Variants in SNTB1 observed in about 807,000 individuals in gnomAD.
SNTB1 encodes the protein beta-1-syntrophin.
A neutral mutation model predicts 48.9 loss-of-function variants in SNTB1; 36 were observed. The observed-to-expected ratio is 0.74, with a 90% CI of 0.56 to 0.97. The LOEUF is 0.97. Ranked by LOEUF, SNTB1 falls within the 50% of genes least tolerant of loss-of-function variation. The pLI, the probability that SNTB1 is intolerant of heterozygous loss-of-function variation, is 0.00. For missense variants in SNTB1, 786 were observed against 703.4 expected, an observed-to-expected ratio of 1.12 and a Z score of -1.33; for synonymous variants, 299 against 294.6, an observed-to-expected ratio of 1.01 and a Z score of -0.15.
At chr8:120,703,620 A>T (rs1818339036) in intron 1 of SNTB1, among the ~76,000 whole-genome samples, 1 of 152,210 alleles carries the variant, frequency 6.6e-6, no homozygotes, top group Non-Finnish European at 1.5e-5. Flanking sequence ...CAGAGAAAAA[A>T]TGCTGAGGGC....
chr8:120,660,704 T>G (rs1231285724), intron 2 of SNTB1, among the ~76,000 whole-genome samples: 1 of 152,246 alleles, frequency 6.6e-6, no homozygotes, highest in Non-Finnish European at 1.5e-5. Context: ...AAGCCTAACT[T>G]TCAGCCTATT....
chr8:120,762,758 C>T (rs1441356871), intron 1 of SNTB1, among the ~76,000 whole-genome samples: 1 of 152,052 alleles, frequency 6.6e-6, no homozygotes, highest in Non-Finnish European at 1.5e-5. Context: ...CTTGTTTATA[C>T]CCCAGAATCC....
intron 1 of SNTB1, among the ~76,000 whole-genome samples, chr8:120,752,712 A>C (rs1819242110): frequency 6.6e-6 from 1 of 150,468 alleles, no homozygotes; most frequent in Non-Finnish European, 1.5e-5. Context: ...TAAGTTAATT[A>C]ATGCAGGAAC....
chr8:120,727,059 G>A (rs1818768679), intron 1 of SNTB1, among the ~76,000 whole-genome samples: 1 of 152,172 alleles, frequency 6.6e-6, no homozygotes, highest in African/African-American at 2.4e-5. Context: ...ATGTTCTCCA[G>A]GATAGGTTGG....
In SNTB1 at chr8:120,811,835, T is replaced by C. The variant is rs903578353; in HGVS notation, c.9A>G (p.Val3=). The C allele has an allele frequency of 3.0e-6, 4 of 1,345,784 alleles. No individual in the cohort carries two copies. Among genetic ancestry groups the C allele is most frequent in the Non-Finnish European group, 3.8e-6 (4 of 1,052,494 alleles). 83.4% of individuals were successfully genotyped at this position (1,345,784 alleles called of 1,614,324 possible). The part of the protein sequence containing the change: MA[V]AAAAAAAGPA... Reference sequence around the variant, plus strand: ...GCCCAGCCGCCGCCGCCGCCGCCGCTACCGCCATCTTTCCGGCATTCTTAA... The same window carrying C: ...GCCCAGCCGCCGCCGCCGCCGCCGCCACCGCCATCTTTCCGGCATTCTTAA... Residue 3 remains valine, a synonymous_variant, in exon 1 of 7, where the codon GTA becomes GTG. Transcript: ENST00000517992.
chr8:120,624,269 C>T (rs559425952), intron 3 of SNTB1, among the ~76,000 whole-genome samples: 10 of 152,240 alleles, frequency 6.6e-5, no homozygotes, highest in East Asian at 3.9e-4. Context: ...AAGACATTTA[C>T]GTCTTATAGT....
intron 3 of SNTB1, among the ~76,000 whole-genome samples, chr8:120,592,155 A>G (rs1181293567): frequency 6.6e-6 from 1 of 152,140 alleles, no homozygotes; most frequent in Non-Finnish European, 1.5e-5. Context: ...AATATAAATT[A>G]GCAGTCCAAT....
chr8:120,587,943 C>G (rs183054045), intron 3 of SNTB1, among the ~76,000 whole-genome samples: 1 of 152,288 alleles, frequency 6.6e-6, no homozygotes, highest in Admixed American at 6.5e-5. Context: ...ACAGACTTTA[C>G]TTCCTTAACT....
At chr8:120,718,452 C>T (rs990417647) in intron 1 of SNTB1, among the ~76,000 whole-genome samples, 1 of 152,248 alleles carries the variant, frequency 6.6e-6, no homozygotes, top group Admixed American at 6.5e-5. Flanking sequence ...CCCTGGTCTC[C>T]TACCAACTTC....
intron 1 of SNTB1, among the ~76,000 whole-genome samples, chr8:120,714,132 T>C (rs1587109360): frequency 1.3e-5 from 2 of 152,188 alleles, no homozygotes; most frequent in African/African-American, 4.8e-5. Flanking sequence ...CTGAGTTGGA[T>C]TTAGTCTACC....
intron 4 of SNTB1, 34 bp downstream of exon 4, chr8:120,575,052 A>C (rs554092524): frequency 1.2e-6 from 2 of 1,613,954 alleles, no homozygotes; most frequent in Admixed American, 3.3e-5. Flanking sequence ...ATCCACCTGC[A>C]AACACATCAT....
intron 1 of SNTB1, among the ~76,000 whole-genome samples, chr8:120,740,510 A>C (rs1171428574): frequency 1.3e-5 from 2 of 152,234 alleles, no homozygotes. Context: ...ATCTACAGTT[A>C]CAGCAAACAA....
chr8:120,637,062 A>G (rs373775845), intron 2 of SNTB1: 67 of 372,810 alleles, frequency 1.8e-4, no homozygotes, highest in African/African-American at 1.4e-3. Context: ...TCTGATATCA[A>G]TTTCAGCTAA....
At chr8:120,586,505 T>C (rs1261395553) in intron 3 of SNTB1, among the ~76,000 whole-genome samples, 3 of 152,148 alleles carry the variant, frequency 2.0e-5, no homozygotes, top group Non-Finnish European at 4.4e-5. Context: ...TCTCCTGCTG[T>C]TTCTGTCACC....
chr8:120,682,659 T>C (rs1817951655), intron 2 of SNTB1, among the ~76,000 whole-genome samples: 2 of 152,250 alleles, frequency 1.3e-5, no homozygotes, highest in Non-Finnish European at 1.5e-5. Context: ...GTATTTCACA[T>C]GGGTTGCCTA....
chr8:120,785,365 G>T (rs951256040), intron 1 of SNTB1, among the ~76,000 whole-genome samples: 4 of 152,176 alleles, frequency 2.6e-5, no homozygotes, highest in African/African-American at 4.8e-5. Flanking sequence ...AGTACAGGCT[G>T]CCTGGAACCC....
chr8:120,698,976 T>C (rs1012800865), intron 1 of SNTB1, among the ~76,000 whole-genome samples: 6 of 152,210 alleles, frequency 3.9e-5, no homozygotes, highest in African/African-American at 1.4e-4. Context: ...AACATTAGTG[T>C]ATTAAGCAAT....
chr8:120,708,736 C>T (rs555951530), intron 1 of SNTB1, among the ~76,000 whole-genome samples: 13 of 152,088 alleles, frequency 8.5e-5, no homozygotes, highest in Admixed American at 3.9e-4. Flanking sequence ...GAGGAAAATA[C>T]ATTTTATATT....
At chr8:120,596,734 A>C (rs1427384206) in intron 3 of SNTB1, among the ~76,000 whole-genome samples, 1 of 152,160 alleles carries the variant, frequency 6.6e-6, no homozygotes, top group African/African-American at 2.4e-5. Context: ...AATGGTGGAT[A>C]AACTCTCTCT....
Sources: allele counts gnomAD v4.1 joint callset (sites outside exome capture counted in the v4.1 genomes callset), GRCh38; gene constraint gnomAD v4.1.1; transcripts MANE v1.5; gene names NCBI Gene and HGNC (gene_info 2026-07-23, HGNC 2026-07-21).